FREM1: variants seen among roughly 807,000 people sequenced by gnomAD.
FREM1 encodes the protein FRAS1-related extracellular matrix protein 1.
A neutral mutation model predicts 210.1 loss-of-function variants in FREM1; 220 were observed. That is an observed-to-expected ratio of 1.05 (90% confidence interval 0.94 to 1.17). FREM1 has a LOEUF of 1.17. Among genes scored for constraint, FREM1 ranks in the 50% most tolerant of loss-of-function variants. The pLI is 0.00. For synonymous variants in FREM1, 1,189 were observed against 980.2 expected, an observed-to-expected ratio of 1.21 and a Z score of -3.98; for missense variants, 3,454 against 2,675.5, an observed-to-expected ratio of 1.29 and a Z score of -6.42.
chr9:14,772,860 T>C (rs183019642), intron 25 of FREM1, among the ~76,000 whole-genome samples: 4 of 152,318 alleles, frequency 2.6e-5, no homozygotes, highest in South Asian at 2.1e-4. Context: ...TGAATGTAGA[T>C]GGTTGTTTTA....
chr9:14,779,694 G>A (rs2132736262), intron 24 of FREM1, among the ~76,000 whole-genome samples: 1 of 152,272 alleles, frequency 6.6e-6, no homozygotes, highest in African/African-American at 2.4e-5. Flanking sequence ...TGCCCACGTT[G>A]GAAACAGGCA....
chr9:14,831,032 T>C (rs1012166562), intron 10 of FREM1, among the ~76,000 whole-genome samples: 3 of 152,190 alleles, frequency 2.0e-5, no homozygotes, highest in Non-Finnish European at 2.9e-5. Flanking sequence ...TGGGGAGAAC[T>C]TGGAGAACCC....
Position 14,756,387 on chromosome 9 carries a change from A to C in FREM1, c.5394T>G (p.Ile1798Met). 1 of 1,599,608 alleles carries C rather than the reference A, an allele frequency of 6.3e-7. No homozygotes were observed. Among genetic ancestry groups the C allele is most frequent in the Non-Finnish European group, 8.5e-7 (1 of 1,172,744 alleles). ...CACAAAATGTACCTGGGTCAAACTG[A>C]ATCAGTTTAGATGGAATCACGGTGA... ...KDFTVIPSKL[I>M]QFDPGMSTKM... The change falls in exon 29 of 37, where the codon ATT becomes ATG. Residue 1798 changes from isoleucine to methionine, a missense_variant. Coordinates refer to ENST00000380880, the MANE Select transcript of FREM1 (RefSeq NM_001379081.2).
At chr9:14,840,795 A>G (rs1025071913) in intron 10 of FREM1, among the ~76,000 whole-genome samples, 1 of 152,184 alleles carries the variant, frequency 6.6e-6, no homozygotes, top group Non-Finnish European at 1.5e-5. Flanking sequence ...AGTTGTCCAG[A>G]CACTACCCTG....
At position 14,824,929 on chromosome 9, in the gene FREM1, G is replaced by A. The variant is rs121912609; in HGVS notation, c.1945C>T (p.Arg649Trp). ...QLPKEAPGVS[R>W]HLVVKETEVA... ...TCAGTTTCCTTGACAACCAAATGCC[G>A]AGAAACTCCAGGAGCCTCTTTTGGA... is the stretch of plus-strand genomic sequence containing the variant. Residue 649 changes from arginine (R) to tryptophan (W), a missense_variant, in exon 11 of 37, where the codon CGG (arginine) becomes TGG (tryptophan). Coordinates refer to ENST00000380880, the MANE Select transcript of FREM1 (RefSeq NM_001379081.2). 5.0e-6 allele frequency: 8 copies of A among 1,610,274 alleles called. No individual in the cohort carries two copies. The highest frequency in any genetic ancestry group is 2.2e-5 in the East Asian group (1 of 44,774).
intron 7 of FREM1, among the ~76,000 whole-genome samples, chr9:14,847,438 G>GAGGGAGGGAGGA (rs1826888278): frequency 3.3e-5 from 1 of 30,062 alleles, no homozygotes; most frequent in Non-Finnish European, 8.2e-5. Context: ...GGGAGGGAGG[G>GAGGGAGGGAGGA]AGGGAGGGAG....
At chr9:14,799,424 T>A (rs1853097702) in intron 20 of FREM1, among the ~76,000 whole-genome samples, 1 of 152,180 alleles carries the variant, frequency 6.6e-6, no homozygotes, top group African/African-American at 2.4e-5. Flanking sequence ...GAACCACAGA[T>A]AAAATAGAGG....
chr9:14,899,971 C>G (rs1838481245), intron 1 of FREM1, among the ~76,000 whole-genome samples: 1 of 152,132 alleles, frequency 6.6e-6, no homozygotes, highest in Non-Finnish European at 1.5e-5. Context: ...TTATACAGAC[C>G]ATAACGTGAA....
intron 24 of FREM1, 83 bp downstream of exon 24, chr9:14,784,287 C>T (rs1194222567): frequency 7.9e-7 from 1 of 1,272,240 alleles, no homozygotes; most frequent in African/African-American, 1.5e-5. Context: ...GAAATGGTTA[C>T]TATAGTGAAG....
chr9:14,759,402 C>A lies in FREM1; in HGVS notation c.5334+370G>T, dbSNP rs183129824. ...GCAGGTGCCTGTAATCCCAGCTACTCGGGAGCCTGAGGCAGGAGAATCACT... is the reference window on the plus strand; with the variant it reads ...GCAGGTGCCTGTAATCCCAGCTACTAGGGAGCCTGAGGCAGGAGAATCACT... On this transcript the variant is annotated intron_variant, in intron 28 of 36. Coordinates refer to ENST00000380880, the MANE Select transcript of FREM1 (RefSeq NM_001379081.2). 2.1e-3 allele frequency among the ~76,000 whole-genome samples: 321 copies of A among 149,428 alleles called. 2 individuals carry two copies. The highest frequency in any genetic ancestry group is 7.5e-3 in the African/African-American group (306 of 40,700).
intron 1 of FREM1, among the ~76,000 whole-genome samples, chr9:14,906,323 C>T (rs920443123): frequency 4.6e-5 from 7 of 152,194 alleles, no homozygotes; most frequent in Admixed American, 3.9e-4. Flanking sequence ...TCTGATTTAA[C>T]ATTCCGGCCC....
chr9:14,770,705 G>C lies in FREM1; in HGVS notation c.4959C>G (p.Ser1653=), dbSNP rs1847392935. The stretch of plus-strand genomic sequence containing the variant: ...CAGGGTCTGATGCCTTCAACACGCG[G>C]GAAGTGATGTAAATCCCGTAGCAGC... ...KNGCYGIYIT[S]RVLKASDPDT... is the part of the protein sequence containing the mutation. The change falls in exon 26 of 37, where the codon TCC becomes TCG. Residue 1653 remains serine (S), a synonymous_variant. Coordinates refer to ENST00000380880, the MANE Select transcript of FREM1 (RefSeq NM_001379081.2). The C allele has an allele frequency of 6.2e-7, 1 of 1,613,160 alleles. No individual in the cohort carries two copies. Among genetic ancestry groups the C allele is most frequent in the Admixed American group, 1.7e-5 (1 of 59,974 alleles).
intron 7 of FREM1, 71 bp downstream of exon 7, chr9:14,848,594 T>C: frequency 1.2e-6 from 1 of 831,040 alleles, no homozygotes; most frequent in Non-Finnish European, 1.9e-6. Flanking sequence ...ACTACCTTTC[T>C]TTCCTGACCC....
At chr9:14,860,774 C>T (rs1202763718) in intron 3 of FREM1, among the ~76,000 whole-genome samples, 55 of 94,790 alleles carry the variant, frequency 5.8e-4, no homozygotes, top group Non-Finnish European at 6.7e-4. Context: ...CATATATACA[C>T]ATATATACAT....
At chr9:14,740,258 T>C in intron 35 of FREM1, 24 bp from the exon 36 acceptor site, 1 of 1,522,040 alleles carries the variant, frequency 6.6e-7, no homozygotes, top group Non-Finnish European at 9.1e-7. Context: ...AAAATGAGAG[T>C]ATCAGCAACA....
In FREM1 at chr9:14,857,766, T is replaced by C. The variant is rs1252274990; in HGVS notation, c.632-17A>G. 6.4e-7 allele frequency: 1 copy of C among 1,556,360 alleles called. No homozygotes were observed. Among genetic ancestry groups the C allele is most frequent in the Non-Finnish European group, 8.7e-7 (1 of 1,149,184 alleles). On this transcript the variant is annotated splice_polypyrimidine_tract_variant and intron_variant, in intron 4 of 36. Transcript: ENST00000380880. ...CTCTCAGTTCTAGAATGTACAGCAC[T>C]GGATTAAGAGAGTCACTTAAACATA...
At chr9:14,803,532 A>G (rs889942430) in intron 19 of FREM1, among the ~76,000 whole-genome samples, 1 of 151,702 alleles carries the variant, frequency 6.6e-6, no homozygotes, top group Admixed American at 6.6e-5. Flanking sequence ...TAATTTTTAA[A>G]ATTTATTTTT....
intron 18 of FREM1, among the ~76,000 whole-genome samples, 192 bp downstream of exon 18, chr9:14,806,469 G>C (rs1192877345): frequency 6.6e-6 from 1 of 152,038 alleles, no homozygotes; most frequent in Non-Finnish European, 1.5e-5. Context: ...GGTCAGGCTG[G>C]ACTCAAACTC....
rs746405839 is a variant in FREM1, at chr9:14,748,427, G to A, written c.5770C>T (p.Leu1924Phe). ...FDSTDLSQRK[L>F]RTRGNGKTVR... ...GTTTTGCCATTCCCACGGGTCCTAA[G>A]CTTCCTTTGAGAAAGATCTGTAGAA... The change falls in exon 31 of 37, where the codon CTT becomes TTT. Residue 1924 changes from leucine to phenylalanine, a missense_variant. Physicochemically the swap from Leu to Phe is conservative, Grantham distance 22. Transcript: ENST00000380880. 1.2e-6 allele frequency: 2 copies of A among 1,612,516 alleles called. No homozygotes were observed. Among genetic ancestry groups the A allele is most frequent in the African/African-American group, 1.3e-5 (1 of 74,886 alleles).
Sources: allele counts gnomAD v4.1 joint callset (sites outside exome capture counted in the v4.1 genomes callset), GRCh38; gene constraint gnomAD v4.1.1; transcripts MANE v1.5; gene names NCBI Gene and HGNC (gene_info 2026-07-23, HGNC 2026-07-21).